The following EPS15L1 variants were observed in gnomAD, a reference collection of about 807,000 sequenced individuals.
EPS15L1 encodes the protein epidermal growth factor receptor substrate 15-like 1.
EPS15L1 carries 43 observed loss-of-function variants against 117.1 expected under a neutral mutation model. That is an observed-to-expected ratio of 0.37 (90% CI 0.29 to 0.47). The LOEUF is 0.47. Among genes scored for constraint, EPS15L1 ranks in the 20% least tolerant of loss-of-function variants. EPS15L1 has a pLI of 0.99. For synonymous variants in EPS15L1, 459 were observed against 470.5 expected, an observed-to-expected ratio of 0.98 and a Z score of 0.32; for missense variants, 981 against 1,164.0, an observed-to-expected ratio of 0.84 and a Z score of 2.29.
rs764642629 is a variant in EPS15L1, at chr19:16,365,102, C to T, written c.2381-3118G>A. ...ACTGGAATGCCATCACAGGCAGTGG[C>T]CTTCTCAGGGAAGAAATGGCAGCCC... On this transcript the variant is annotated intron_variant, in intron 22 of 23. Coordinates refer to ENST00000455140, the MANE Select transcript of EPS15L1 (RefSeq NM_001258374.3). This position sits in a 1 kb window ranked among gnomAD's most constrained non-coding sequence, Gnocchi z 4.9. Among the ~76,000 whole-genome samples the T allele has an allele frequency of 6.6e-6, 1 of 152,242 alleles. No homozygotes were observed. Among genetic ancestry groups the T allele is most frequent in the Non-Finnish European group, 1.5e-5 (1 of 68,048 alleles).
chr19:16,359,106 CCT>C (rs767339697), intron 23 of EPS15L1, among the ~76,000 whole-genome samples: 171 of 152,288 alleles, frequency 1.1e-3, no homozygotes, highest in Middle Eastern at 3.4e-3. Context: ...CCTGGGCCCC[CCT>C]GACTGCCAGC....
intron 1 of EPS15L1, among the ~76,000 whole-genome samples, chr19:16,468,380 C>A (rs2093321202): frequency 1.3e-5 from 2 of 152,184 alleles, no homozygotes; most frequent in South Asian, 4.1e-4. Flanking sequence ...GAGTCTCACC[C>A]TGTTGCCCAG....
chr19:16,386,661 G>A (rs1006272007), intron 19 of EPS15L1, among the ~76,000 whole-genome samples: 1 of 152,222 alleles, frequency 6.6e-6, no homozygotes, highest in Non-Finnish European at 1.5e-5. Flanking sequence ...CAGGGGAAAG[G>A]AAGGGGAATC....
chr19:16,385,466 T>A (rs2092410764), intron 20 of EPS15L1, among the ~76,000 whole-genome samples: 1 of 152,190 alleles, frequency 6.6e-6, no homozygotes, highest in African/African-American at 2.4e-5. Context: ...GAGTGACAAG[T>A]TGCCACAGAG....
intron 1 of EPS15L1, among the ~76,000 whole-genome samples, chr19:16,465,027 C>T (rs1246034382): frequency 2.7e-5 from 4 of 150,604 alleles, no homozygotes; most frequent in African/African-American, 7.4e-5. Context: ...TGCAGTGAGC[C>T]GAAATTGCAC....
chr19:16,417,471 G>T, intron 12 of EPS15L1, 81 bp downstream of exon 12: 1 of 1,215,708 alleles, frequency 8.2e-7, no homozygotes, highest in Non-Finnish European at 1.2e-6. Context: ...ACTTCCAGGT[G>T]AGCCTCTGAT....
In EPS15L1 at chr19:16,438,915, T is replaced by C. The variant is rs537744236; in HGVS notation, c.214-1050A>G. Reference sequence around the variant, plus strand: ...CCACGATCCCCTCGGCCTCGTTGAATGGAACATCCCCTGCCCACCCCCAGT... The same window carrying C: ...CCACGATCCCCTCGGCCTCGTTGAACGGAACATCCCCTGCCCACCCCCAGT... On this transcript the variant is annotated intron_variant, in intron 4 of 23. Coordinates refer to ENST00000455140, the MANE Select transcript of EPS15L1 (RefSeq NM_001258374.3). Among the ~76,000 whole-genome samples, 7 of 152,232 alleles carry C rather than the reference T, an allele frequency of 4.6e-5. No homozygotes were observed. The South Asian group carries it at 1.5e-3, about 32-fold the overall frequency.
chr19:16,433,800 T>C (rs1295952537), intron 7 of EPS15L1, among the ~76,000 whole-genome samples: 7 of 151,918 alleles, frequency 4.6e-5, no homozygotes, highest in African/African-American at 1.7e-4. Flanking sequence ...CCATCTCTAC[T>C]ATAAATACAA....
chr19:16,432,902 A>G (rs2145022431), intron 7 of EPS15L1, among the ~76,000 whole-genome samples: 1 of 152,048 alleles, frequency 6.6e-6, no homozygotes, highest in South Asian at 2.1e-4. Flanking sequence ...TCCCAGGCTC[A>G]GGTGTGATTC....
intron 13 of EPS15L1, among the ~76,000 whole-genome samples, chr19:16,407,475 G>T (rs941611274): frequency 6.6e-6 from 1 of 151,948 alleles, no homozygotes; most frequent in African/African-American, 2.4e-5. Context: ...CCAGTTGCGT[G>T]ATTTTTTTGT....
chr19:16,417,714 G>A, intron 11 of EPS15L1, 77 bp from the exon 12 acceptor site: 1 of 1,323,508 alleles, frequency 7.6e-7, no homozygotes, highest in South Asian at 1.2e-5. Context: ...CAGTTCTCGG[G>A]CCCAGGGATA....
intron 17 of EPS15L1, among the ~76,000 whole-genome samples, chr19:16,394,452 C>T (rs921142327): frequency 5.9e-5 from 9 of 152,136 alleles, no homozygotes; most frequent in African/African-American, 2.2e-4. Context: ...CCAGATTCGC[C>T]TCTCAGACCC....
At chr19:16,400,432 G>A (rs2092588921) in intron 16 of EPS15L1, among the ~76,000 whole-genome samples, 1 of 151,372 alleles carries the variant, frequency 6.6e-6, no homozygotes, top group African/African-American at 2.4e-5. Flanking sequence ...AGTAACCTGA[G>A]TAGAACTGTC....
intron 11 of EPS15L1, 76 bp downstream of exon 11, chr19:16,417,872 G>A (rs1367858979): frequency 2.6e-6 from 4 of 1,536,824 alleles, no homozygotes; most frequent in Non-Finnish European, 3.5e-6. Flanking sequence ...GGGCTCATGT[G>A]TGCCACCAGT....
At chr19:16,363,848 T>C (rs1262672068) in intron 22 of EPS15L1, among the ~76,000 whole-genome samples, 1 of 152,216 alleles carries the variant, frequency 6.6e-6, no homozygotes, top group African/African-American at 2.4e-5. Flanking sequence ...TGGGCCAGCA[T>C]AAGGACTGCT....
At chr19:16,438,366 T>C (rs2058769874) in intron 4 of EPS15L1, among the ~76,000 whole-genome samples, 1 of 151,954 alleles carries the variant, frequency 6.6e-6, no homozygotes, top group Admixed American at 6.6e-5. Flanking sequence ...AATAAATAAA[T>C]AAAATAAAAT....
chr19:16,402,575 T>C (rs1317754196), intron 15 of EPS15L1, 90 bp from the exon 16 acceptor site: 11 of 1,230,168 alleles, frequency 8.9e-6, no homozygotes, highest in Non-Finnish European at 9.0e-6. Context: ...AGGGTCTCAC[T>C]CTGTCACCCA....
intron 8 of EPS15L1, among the ~76,000 whole-genome samples, chr19:16,427,020 A>G (rs2092879247): frequency 6.6e-6 from 1 of 152,160 alleles, no homozygotes; most frequent in South Asian, 2.1e-4. Context: ...TCATGTCTGC[A>G]ACTTAACCCT....
chr19:16,444,802 T>C (rs964921092), intron 1 of EPS15L1, among the ~76,000 whole-genome samples: 2 of 151,390 alleles, frequency 1.3e-5, no homozygotes, highest in East Asian at 3.9e-4. Context: ...TCTCAGCTCA[T>C]TGCAATCTCT....
Sources: allele counts gnomAD v4.1 joint callset (sites outside exome capture counted in the v4.1 genomes callset), GRCh38; gene constraint gnomAD v4.1.1; non-coding constraint Gnocchi (gnomAD v3.1); transcripts MANE v1.5; gene names NCBI Gene and HGNC (gene_info 2026-07-23, HGNC 2026-07-21).